Variants in PEG3 observed in about 807,000 individuals in gnomAD.
PEG3 encodes paternally-expressed gene 3 protein.
A neutral mutation model predicts 35.5 loss-of-function variants in PEG3; 23 were observed. The observed-to-expected ratio is 0.65, with a 90% confidence interval of 0.47 to 0.92. The LOEUF (loss-of-function observed/expected upper bound fraction) is 0.92, where lower values mean the gene tolerates loss of function less well. PEG3 is among the 40% of genes least tolerant of loss of function. The pLI is 0.00. For synonymous variants in PEG3, 707 were observed against 697.0 expected (o/e 1.01, Z -0.23); for missense variants, 1,960 against 1,985.3 (o/e 0.99, Z 0.24).
intron 2 of PEG3, among the ~76,000 whole-genome samples, chr19:56,826,718 G>T (rs969292026): frequency 4.0e-4 from 61 of 152,178 alleles, no homozygotes; most frequent in African/African-American, 1.4e-3. Context: ...AAGAAACCAC[G>T]AACCAAAACT....
At chr19:56,839,925 C>T (rs886302744) in intron 1 of PEG3, among the ~76,000 whole-genome samples, 3 of 152,276 alleles carry the variant, frequency 2.0e-5, no homozygotes, top group African/African-American at 7.2e-5. Context: ...GCGCAGCAAG[C>T]CTCAGCCGCC....
chr19:56,821,781 A>C lies in PEG3; in HGVS notation c.566-27T>G, dbSNP rs370666698. On this transcript the variant is annotated intron_variant, in intron 6 of 9. Transcript: ENST00000326441. The stretch of plus-strand genomic sequence containing the variant: ...TGGGAAGAAAAAAGGCATCAACAAG[A>C]AGCAGGGCCCAGTCCATCCTGCAGG... The C allele has an allele frequency of 1.9e-5, 31 of 1,612,404 alleles. No homozygotes were observed. In the African/African-American group the frequency reaches 3.5e-4, roughly 18 times the overall value.
Position 56,816,719 on chromosome 19 carries a change from T to A in PEG3, c.1723A>T (p.Ser575Cys). 6.2e-7 allele frequency: 1 copy of A among 1,614,176 alleles called. No individual in the cohort carries two copies. The highest frequency in any genetic ancestry group is 8.5e-7 in the Non-Finnish European group (1 of 1,180,036). Reference protein sequence around the residue: ...CRVCKETFLHSSALIEHQKIH... With the variant: ...CRVCKETFLHCSALIEHQKIH... Reference sequence around the variant, plus strand: ...TTCTGGTGCTCAATCAGGGCAGAACTATGAAGGAAGGTTTCCTTACACACC... The same window carrying A: ...TTCTGGTGCTCAATCAGGGCAGAACAATGAAGGAAGGTTTCCTTACACACC... Residue 575 changes from serine (S) to cysteine (C), a missense_variant, in exon 10 of 10, where the codon AGT becomes TGT. This residue lies in a region of PEG3 where 798 missense variants were observed against 782.4 expected (regional missense o/e 1.02). Coordinates refer to ENST00000326441, the MANE Select transcript of PEG3 (RefSeq NM_006210.3).
intron 2 of PEG3, among the ~76,000 whole-genome samples, 171 bp from the exon 3 acceptor site, chr19:56,826,634 A>G (rs1375099296): frequency 6.6e-6 from 1 of 152,208 alleles, no homozygotes; most frequent in Non-Finnish European, 1.5e-5. Flanking sequence ...CATGCCAGAC[A>G]GGAGAAATAA....
In PEG3 at chr19:56,811,640, G is replaced by C; in HGVS notation, c.*2035C>G. On this transcript the variant is annotated 3_prime_UTR_variant, in exon 10 of 10. Coordinates refer to ENST00000326441, the MANE Select transcript of PEG3 (RefSeq NM_006210.3). ...TAACACCAAGTAATGTACCCACAAAGTTCACCCCGACATCAACACTGATTC... is the reference window on the plus strand; with the variant it reads ...TAACACCAAGTAATGTACCCACAAACTTCACCCCGACATCAACACTGATTC... 2 of 985,008 alleles carry C rather than the reference G, an allele frequency of 2.0e-6. No homozygotes were observed. Among genetic ancestry groups the C allele is most frequent in the Non-Finnish European group, 2.4e-6 (2 of 829,790 alleles). The allele number at this position is 985,008 out of a possible 1,614,324, so 61.0% of individuals were successfully genotyped here.
Position 56,813,377 on chromosome 19 carries a change from G to T in PEG3, c.*298C>A. 8.5e-7 allele frequency: 1 copy of T among 1,175,196 alleles called. No homozygotes were observed. The allele number at this position is 1,175,196 out of a possible 1,614,324, so 72.8% of individuals were successfully genotyped here. ...CACAAGTGTCATTTACAGTTGATTT[G>T]GGCAAACTCTGTAGTCTGGAATACT... is the stretch of plus-strand genomic sequence containing the variant. On this transcript the variant is annotated 3_prime_UTR_variant, in exon 10 of 10. Coordinates refer to ENST00000326441, the MANE Select transcript of PEG3 (RefSeq NM_006210.3).
chr19:56,837,837 G>C (rs1029920540), intron 1 of PEG3, among the ~76,000 whole-genome samples: 1 of 151,728 alleles, frequency 6.6e-6, no homozygotes, highest in Non-Finnish European at 1.5e-5. Context: ...CCCCGCCACC[G>C]GCCAACACAC....
intron 2 of PEG3, among the ~76,000 whole-genome samples, chr19:56,830,918 C>A (rs1182099738): frequency 6.6e-6 from 1 of 151,512 alleles, no homozygotes; most frequent in Non-Finnish European, 1.5e-5. Flanking sequence ...CAGAACTAGA[C>A]TGAATCACCA....
chr19:56,827,249 G>A (rs1053032203), intron 2 of PEG3, among the ~76,000 whole-genome samples: 1 of 152,062 alleles, frequency 6.6e-6, no homozygotes, highest in Admixed American at 6.5e-5. Flanking sequence ...GCCAACTTCT[G>A]TGCCAAAAAA....
At chr19:56,822,479 T>G (rs2060592579) in intron 6 of PEG3, 2 of 393,582 alleles carry the variant, frequency 5.1e-6, no homozygotes, top group Non-Finnish European at 4.4e-6. Flanking sequence ...GCATAGTCTT[T>G]CATACAGAAA....
chr19:56,823,277 C>G (rs2060677263), intron 5 of PEG3, among the ~76,000 whole-genome samples: 1 of 152,214 alleles, frequency 6.6e-6, no homozygotes, highest in South Asian at 2.1e-4. Context: ...CCTATAAAAG[C>G]TCACTGAAGC....
chr19:56,814,356 T>G lies in PEG3; in HGVS notation c.4086A>C (p.Glu1362Asp). 6.2e-7 allele frequency: 1 copy of G among 1,613,230 alleles called. No homozygotes were observed. The highest frequency in any genetic ancestry group is 8.5e-7 in the Non-Finnish European group (1 of 1,179,192). ...CTGCTGCTGCTGCAGCTGCTGCTGC[T>G]TCATCTTCTTCTTCTTCTTCCAGAT... ...ELHLEEEEED[E>D]AAAAAAAAAQ... The change falls in exon 10 of 10, where the codon GAA becomes GAC. Residue 1362 changes from glutamate to aspartate, a missense_variant. Transcript: ENST00000326441. This position sits in a 1 kb window ranked among gnomAD's most constrained non-coding sequence, Gnocchi z 5.8.
At position 56,810,382 on chromosome 19, in the gene PEG3, C is replaced by T. The variant is rs771542353; in HGVS notation, c.*3293G>A. ...AAACAAAATAACCATAATCCCACAA[C>T]AACCACACAACTATTTCTTGTTTTT... On this transcript the variant is annotated 3_prime_UTR_variant, in exon 10 of 10. Coordinates refer to ENST00000326441, the MANE Select transcript of PEG3 (RefSeq NM_006210.3). The T allele has an allele frequency of 1.9e-5, 19 of 985,286 alleles. 1 individual carries two copies. The highest frequency in any genetic ancestry group is 4.7e-5 in the South Asian group (1 of 21,292). 61.0% of individuals were successfully genotyped at this position (985,286 alleles called of 1,614,324 possible). A position where few individuals can be genotyped will look rare whatever the true frequency, so the allele number is the denominator to read the frequency against.
At chr19:56,836,938 C>G (rs977478068) in intron 1 of PEG3, among the ~76,000 whole-genome samples, 6 of 141,826 alleles carry the variant, frequency 4.2e-5, no homozygotes, top group Non-Finnish European at 9.0e-5. Context: ...CCACCACACT[C>G]CAGCCTGGGT....
chr19:56,814,964 C>T lies in PEG3; in HGVS notation c.3478G>A (p.Glu1160Lys). The change falls in exon 10 of 10, where the codon GAG becomes AAG. Residue 1160 changes from glutamate (E) to lysine (K), a missense_variant. Glu to Lys is a moderately conservative substitution (Grantham distance 56, BLOSUM62 1). This residue lies in a region of PEG3 where 124 missense variants were observed against 179.6 expected (regional missense o/e 0.69). Transcript: ENST00000326441. The surrounding 1 kb of genome is among the most constrained non-coding windows in gnomAD (Gnocchi z 5.8). ...ISEYQRDYTG[E>K]QLYECPKCGE... ...CACTTTGGACATTCATACAGCTGCT[C>T]TCCAGTGTAATCTCTCTGATACTCG... 2 of 1,614,130 alleles carry T rather than the reference C, an allele frequency of 1.2e-6. No individual in the cohort carries two copies. The highest frequency in any genetic ancestry group is 1.1e-5 in the South Asian group (1 of 91,084).
chr19:56,810,822 T>C lies in PEG3; in HGVS notation c.*2853A>G. ...AGTTGTTAGGTGTTGGGAATATAGG[T>C]AATTTTTTAAAATAATTTACTTTAT... On this transcript the variant is annotated 3_prime_UTR_variant, in exon 10 of 10. Coordinates refer to ENST00000326441, the MANE Select transcript of PEG3 (RefSeq NM_006210.3). The C allele has an allele frequency of 1.0e-6, 1 of 970,316 alleles. No individual in the cohort carries two copies. The highest frequency in any genetic ancestry group is 1.2e-6 in the Non-Finnish European group (1 of 816,152). 60.1% of individuals were successfully genotyped at this position (970,316 alleles called of 1,614,324 possible).
chr19:56,824,405 T>A lies in PEG3; in HGVS notation c.251A>T (p.Glu84Val). 2 of 1,614,120 alleles carry A rather than the reference T, an allele frequency of 1.2e-6. No homozygotes were observed. The highest frequency in any genetic ancestry group is 1.7e-5 in the Admixed American group (1 of 60,018). The change falls in exon 4 of 10, where the codon GAG (glutamate) becomes GTG (valine). Residue 84 changes from glutamate to valine, a missense_variant. Physicochemically the swap from Glu to Val is moderately radical, Grantham distance 121 (BLOSUM62 -2). Transcript: ENST00000326441. ...CTCAAGGACCAAGAGCTCGATGATCTCCTCCTTGGTGCGGGTCTCCGGCTG... is the reference window on the plus strand; with the variant it reads ...CTCAAGGACCAAGAGCTCGATGATCACCTCCTTGGTGCGGGTCTCCGGCTG... ...WLQPETRTKE[E>V]IIELLVLEQY...
At chr19:56,839,566 C>A (rs2062717706) in intron 1 of PEG3, among the ~76,000 whole-genome samples, 1 of 150,020 alleles carries the variant, frequency 6.7e-6, no homozygotes, top group South Asian at 2.1e-4. Context: ...GCGGGCGGGG[C>A]CTGAGTGGAT....
chr19:56,814,547 C>T lies in PEG3; in HGVS notation c.3895G>A (p.Asp1299Asn). 2 of 1,613,750 alleles carry T rather than the reference C, an allele frequency of 1.2e-6. No homozygotes were observed. The highest frequency in any genetic ancestry group is 1.7e-6 in the Non-Finnish European group (2 of 1,179,814). The change falls in exon 10 of 10, where the codon GAT becomes AAT. Residue 1299 changes from aspartate to asparagine, a missense_variant. Physicochemically the swap from Asp to Asn is conservative, Grantham distance 23. Coordinates refer to ENST00000326441, the MANE Select transcript of PEG3 (RefSeq NM_006210.3). The surrounding 1 kb of genome is among the most constrained non-coding windows in gnomAD (Gnocchi z 5.8). ...ESFVNPAELADHVTVHKNEPY... is the reference protein window; with the variant it reads ...ESFVNPAELANHVTVHKNEPY... ...TCATTCTTATGAACAGTTACGTGAT[C>T]TGCAAGTTCTGCTGGGTTGACGAAA...
Sources: gnomAD v4.1 joint callset for allele counts (sites outside exome capture counted in the v4.1 genomes callset) on GRCh38, gnomAD v4.1.1 for gene constraint, gnomAD v4.1.1 regional missense constraint, Gnocchi (gnomAD v3.1) non-coding constraint, MANE v1.5 for transcripts, NCBI Gene and HGNC (gene_info 2026-07-23, HGNC 2026-07-21) for gene names.